ZNF423: variants seen among roughly 807,000 people sequenced by gnomAD.
ZNF423 encodes Ebf-associated zinc finger protein.
ZNF423 carries 12 observed loss-of-function variants against 95.8 expected under a neutral mutation model. That is an observed-to-expected ratio of 0.13 (90% CI 0.08 to 0.20). The LOEUF (loss-of-function observed/expected upper bound fraction) is 0.20. ZNF423 is among the 10% of genes least tolerant of loss of function. ZNF423 has a pLI of 1.00. For missense variants in ZNF423, 1,316 were observed against 1,737.1 expected, an observed-to-expected ratio of 0.76 and a Z score of 4.31; for synonymous variants, 749 against 711.9, an observed-to-expected ratio of 1.05 and a Z score of -0.83.
chr16:49,655,617 G>T (rs1342677146), intron 3 of ZNF423, among the ~76,000 whole-genome samples: 3 of 152,138 alleles, frequency 2.0e-5, no homozygotes, highest in African/African-American at 7.2e-5. Flanking sequence ...GGCACTGAGG[G>T]GGATGGGCGC....
At chr16:49,754,073 T>G (rs2033681483) in intron 2 of ZNF423, among the ~76,000 whole-genome samples, 1 of 147,312 alleles carries the variant, frequency 6.8e-6, no homozygotes, top group South Asian at 2.2e-4. Flanking sequence ...GGAGGAAGAA[T>G]AGTTTGTTTA....
chr16:49,626,016 C>T (rs576617299), intron 5 of ZNF423, among the ~76,000 whole-genome samples, 154 bp downstream of exon 5: 1 of 152,206 alleles, frequency 6.6e-6, no homozygotes, highest in Non-Finnish European at 1.5e-5. Flanking sequence ...AAAGGGCCCC[C>T]ATTCTGACAT....
chr16:49,617,200 G>A (rs1488285752), intron 5 of ZNF423, among the ~76,000 whole-genome samples: 1 of 152,180 alleles, frequency 6.6e-6, no homozygotes, highest in Non-Finnish European at 1.5e-5. Context: ...GGACGCTCCT[G>A]AGGCCAGTGG....
chr16:49,577,675 G>A (rs1032468689), intron 5 of ZNF423, among the ~76,000 whole-genome samples: 7 of 152,180 alleles, frequency 4.6e-5, no homozygotes, highest in African/African-American at 1.7e-4. Context: ...AGGCCTGCAG[G>A]AAACCTTGTT....
intron 3 of ZNF423, among the ~76,000 whole-genome samples, chr16:49,656,050 G>C (rs1232026055): frequency 6.7e-6 from 1 of 149,522 alleles, no homozygotes; most frequent in Admixed American, 6.8e-5. Flanking sequence ...CCGAGTCAAA[G>C]GTCTTCTGAC....
At chr16:49,644,718 C>T (rs1973114324) in intron 3 of ZNF423, among the ~76,000 whole-genome samples, 1 of 115,262 alleles carries the variant, frequency 8.7e-6, no homozygotes, top group South Asian at 2.9e-4. Flanking sequence ...ACAGAGGGAA[C>T]AAGAGCTCAT....
intron 1 of ZNF423, among the ~76,000 whole-genome samples, chr16:49,837,921 G>C (rs373711732): frequency 3.3e-5 from 5 of 152,304 alleles, no homozygotes; most frequent in African/African-American, 1.2e-4. Flanking sequence ...AAGCCAGAGC[G>C]GTCTCTCAAT....
chr16:49,807,373 G>A (rs1457243527), intron 1 of ZNF423, among the ~76,000 whole-genome samples: 2 of 151,988 alleles, frequency 1.3e-5, no homozygotes, highest in Non-Finnish European at 2.9e-5. Flanking sequence ...AGAGCTTGCA[G>A]TGAGTGGAGA....
chr16:49,805,197 C>A (rs889797367), intron 1 of ZNF423, among the ~76,000 whole-genome samples: 1 of 152,152 alleles, frequency 6.6e-6, no homozygotes, highest in Non-Finnish European at 1.5e-5. Context: ...CACAACCATA[C>A]TCTCAGCCCC....
intron 3 of ZNF423, among the ~76,000 whole-genome samples, chr16:49,688,903 G>A (rs995911889): frequency 1.3e-5 from 2 of 152,146 alleles, no homozygotes; most frequent in Non-Finnish European, 2.9e-5. Context: ...TCCACTCCAC[G>A]GAAGCTCCTG....
chr16:49,784,342 C>T (rs1177463741), intron 2 of ZNF423, among the ~76,000 whole-genome samples: 7 of 152,152 alleles, frequency 4.6e-5, no homozygotes, highest in Non-Finnish European at 8.8e-5. Flanking sequence ...TCAAATCCAG[C>T]CTGGGCAGCA....
intron 5 of ZNF423, among the ~76,000 whole-genome samples, chr16:49,526,413 C>T (rs1402427134): frequency 6.6e-6 from 1 of 152,218 alleles, no homozygotes; most frequent in Non-Finnish European, 1.5e-5. Context: ...CACCCAAAGG[C>T]GCCGGGGGAC....
chr16:49,835,845 G>A (rs1007024472), intron 1 of ZNF423, among the ~76,000 whole-genome samples: 10 of 152,152 alleles, frequency 6.6e-5, no homozygotes, highest in Admixed American at 4.6e-4. Flanking sequence ...ACAGGCAGCC[G>A]GGAAAACGGG....
intron 1 of ZNF423, among the ~76,000 whole-genome samples, chr16:49,816,897 C>A (rs1021191652): frequency 2.0e-5 from 3 of 152,164 alleles, no homozygotes; most frequent in Non-Finnish European, 4.4e-5. Context: ...ATAACGGTAG[C>A]AATAACTAAC....
chr16:49,577,666 G>A (rs1211948475), intron 5 of ZNF423, among the ~76,000 whole-genome samples: 2 of 152,176 alleles, frequency 1.3e-5, no homozygotes, highest in Non-Finnish European at 2.9e-5. Flanking sequence ...GGTGACTTAA[G>A]GCCTGCAGGA....
chr16:49,804,606 A>G (rs1393724887), intron 1 of ZNF423, among the ~76,000 whole-genome samples: 1 of 152,104 alleles, frequency 6.6e-6, no homozygotes, highest in Non-Finnish European at 1.5e-5. Flanking sequence ...CTGGTCAGAA[A>G]CACTGACCAG....
chr16:49,508,188 T>G (rs8057536), intron 7 of ZNF423, among the ~76,000 whole-genome samples: 63,218 of 151,828 alleles, frequency 0.42, 13,685 homozygotes, highest in African/African-American at 0.54. Flanking sequence ...AAGCACTAGC[T>G]AAATGACTCT....
intron 3 of ZNF423, among the ~76,000 whole-genome samples, chr16:49,660,751 G>A (rs906014205): frequency 2.7e-5 from 4 of 150,254 alleles, no homozygotes; most frequent in Admixed American, 2.0e-4. Context: ...GAGGCAGAAG[G>A]AACAGCTCAG....
At chr16:49,695,475 T>C (rs2031933852) in intron 3 of ZNF423, among the ~76,000 whole-genome samples, 1 of 152,232 alleles carries the variant, frequency 6.6e-6, no homozygotes, top group Non-Finnish European at 1.5e-5. Context: ...GTATTTTTAG[T>C]AGAGATGGGG....
Sources: allele counts gnomAD v4.1 joint callset (sites outside exome capture counted in the v4.1 genomes callset), GRCh38; gene constraint gnomAD v4.1.1; transcripts MANE v1.5; gene names NCBI Gene and HGNC (gene_info 2026-07-23, HGNC 2026-07-21).